AFG2A: variants seen among roughly 807,000 people sequenced by gnomAD.
AFG2A encodes the protein ATPase family gene 2 protein homolog A.
chr4:122,962,444 A>T, the AFG2A span, among the ~76,000 whole-genome samples: 1 of 152,222 alleles, frequency 6.6e-6, no homozygotes, highest in African/African-American at 2.4e-5. Flanking sequence ...TATGGATATT[A>T]TATAGAGATG....
chr4:123,091,662 G>A, the AFG2A span, among the ~76,000 whole-genome samples: 2 of 152,122 alleles, frequency 1.3e-5, no homozygotes, highest in South Asian at 4.1e-4. Flanking sequence ...AAGTTAGTCA[G>A]GCTGTCACAT....
chr4:122,947,464 T>C, the AFG2A span: 1 of 1,613,060 alleles, frequency 6.2e-7, no homozygotes, highest in Non-Finnish European at 8.5e-7. Context: ...TGGAGCAGAC[T>C]TGAAAGTCTT....
chr4:123,139,256 G>C, the AFG2A span, among the ~76,000 whole-genome samples: 1 of 152,038 alleles, frequency 6.6e-6, no homozygotes, highest in Non-Finnish European at 1.5e-5. Flanking sequence ...AGCAATCACT[G>C]TCTTGTTCTT....
At chr4:123,138,721 T>C in the AFG2A span, among the ~76,000 whole-genome samples, 1 of 152,064 alleles carries the variant, frequency 6.6e-6, no homozygotes, top group Non-Finnish European at 1.5e-5. Context: ...AAAATATACT[T>C]TTTCATTTTT....
chr4:123,132,880 A>G, the AFG2A span, among the ~76,000 whole-genome samples: 3 of 147,252 alleles, frequency 2.0e-5, no homozygotes, highest in African/African-American at 7.6e-5. Flanking sequence ...TCCTGGGTTC[A>G]CGCCATTCTC....
the AFG2A span, among the ~76,000 whole-genome samples, chr4:123,180,302 T>C: frequency 6.6e-6 from 1 of 151,966 alleles, no homozygotes; most frequent in Non-Finnish European, 1.5e-5. Flanking sequence ...ACAAAAGTGA[T>C]TTTTTTTCAA....
At chr4:123,057,313 T>C in the AFG2A span, 2 of 1,580,916 alleles carry the variant, frequency 1.3e-6, no homozygotes. Flanking sequence ...ATAGCACTGC[T>C]ATTACATAAT....
chr4:123,304,684 A>G, the AFG2A span, among the ~76,000 whole-genome samples: 1 of 152,240 alleles, frequency 6.6e-6, no homozygotes, highest in African/African-American at 2.4e-5. Context: ...AAAGCTATTT[A>G]GTACCCTTCA....
At chr4:123,119,873 A>G in the AFG2A span, among the ~76,000 whole-genome samples, 1 of 152,114 alleles carries the variant, frequency 6.6e-6, no homozygotes, top group Non-Finnish European at 1.5e-5. Flanking sequence ...AGGAAACTTA[A>G]CAATCATGGC....
chr4:123,232,257 G>A, the AFG2A span, among the ~76,000 whole-genome samples: 9 of 152,002 alleles, frequency 5.9e-5, no homozygotes, highest in Non-Finnish European at 1.0e-4. Flanking sequence ...CGAAGAAAAA[G>A]AAGAAAGTTA....
the AFG2A span, among the ~76,000 whole-genome samples, chr4:123,091,174 G>A: frequency 6.6e-6 from 1 of 152,156 alleles, no homozygotes; most frequent in African/African-American, 2.4e-5. Context: ...TGTTCCAGCC[G>A]GTCCCTCCCT....
At chr4:123,084,627 AAGAGAG>A in the AFG2A span, among the ~76,000 whole-genome samples, 100 of 143,372 alleles carry the variant, frequency 7.0e-4, no homozygotes, top group Non-Finnish European at 1.3e-3. Context: ...TATATATATA[AAGAGAG>A]AGAGACAGAG....
the AFG2A span, among the ~76,000 whole-genome samples, chr4:123,030,286 AT>A: frequency 6.6e-6 from 1 of 152,182 alleles, no homozygotes; most frequent in Non-Finnish European, 1.5e-5. Flanking sequence ...CAAGGTAATA[AT>A]TTTAGATACT....
chr4:123,168,829 A>G, the AFG2A span, among the ~76,000 whole-genome samples: 1 of 152,234 alleles, frequency 6.6e-6, no homozygotes, highest in Admixed American at 6.5e-5. Context: ...TACCATGAAC[A>G]GGATCCATTC....
At chr4:123,202,435 C>CT in the AFG2A span, among the ~76,000 whole-genome samples, 4 of 152,076 alleles carry the variant, frequency 2.6e-5, no homozygotes, top group African/African-American at 9.6e-5. Context: ...CAGCAGATGA[C>CT]TTTTTTCTTT....
the AFG2A span, among the ~76,000 whole-genome samples, chr4:123,166,305 T>C: frequency 6.6e-6 from 1 of 152,210 alleles, no homozygotes; most frequent in African/African-American, 2.4e-5. Context: ...TTTGACTGGC[T>C]TAGCCTCCCA....
the AFG2A span, among the ~76,000 whole-genome samples, chr4:123,154,394 A>C: frequency 6.6e-6 from 1 of 152,172 alleles, no homozygotes; most frequent in Non-Finnish European, 1.5e-5. Flanking sequence ...TAAAGTGATA[A>C]AATAATATTT....
chr4:123,046,620 T>C, the AFG2A span, among the ~76,000 whole-genome samples: 1 of 152,188 alleles, frequency 6.6e-6, no homozygotes, highest in African/African-American at 2.4e-5. Context: ...ACCTCAAACA[T>C]TGATCTTTTC....
At chr4:123,207,215 T>A in the AFG2A span, among the ~76,000 whole-genome samples, 1 of 152,080 alleles carries the variant, frequency 6.6e-6, no homozygotes, top group African/African-American at 2.4e-5. Flanking sequence ...TCCCCTCAAA[T>A]GTTAAGTCAC....
Sources: gnomAD v4.1 joint callset for allele counts (sites outside exome capture counted in the v4.1 genomes callset) on GRCh38, gnomAD v4.1.1 for gene constraint, MANE v1.5 for transcripts, NCBI Gene and HGNC (gene_info 2026-07-23, HGNC 2026-07-21) for gene names.